The following BDP1 variants were observed in gnomAD, a reference collection of about 807,000 sequenced individuals.
BDP1 encodes the protein BDP1 general transcription factor IIIB subunit.
In BDP1, 169 loss-of-function variants were observed where a neutral mutation model predicts 266.6. That is an observed-to-expected ratio of 0.63 (90% CI 0.56 to 0.72). The LOEUF is 0.72. Among genes scored for constraint, BDP1 ranks in the 30% least tolerant of loss-of-function variants. The probability of loss-of-function intolerance (pLI) is 0.00; values close to 1 mark genes in which losing one functional copy is unlikely to be tolerated. For missense variants in BDP1, 3,015 were observed against 3,053.8 expected (o/e 0.99, Z 0.30); for synonymous variants, 1,090 against 1,022.4 (o/e 1.07, Z -1.26).
intron 6 of BDP1, among the ~76,000 whole-genome samples, chr5:71,468,074 A>C (rs1393406141): frequency 2.6e-5 from 4 of 152,224 alleles, no homozygotes; most frequent in Non-Finnish European, 5.9e-5. Flanking sequence ...GCTGAAGTAC[A>C]ATGGCACGAT....
intron 18 of BDP1, among the ~76,000 whole-genome samples, chr5:71,512,938 T>TTG (rs1276204357): frequency 6.6e-6 from 1 of 151,846 alleles, no homozygotes; most frequent in African/African-American, 2.4e-5. Context: ...GGCACATGCC[T>TTG]GTAGTCCCAG....
rs752373897 is a variant in BDP1, at chr5:71,562,340, A to G, written c.7563A>G (p.Glu2521=). Residue 2521 remains glutamate (E), a synonymous_variant, in exon 38 of 39, where the codon GAA becomes GAG. Transcript: ENST00000358731. ...ICSKNSLESD[E]PMQVHSKKRL... is the part of the protein sequence containing the mutation. ...CAAAGAATAGTTTGGAGTCTGATGA[A>G]CCTATGCAAGTCCATAGTAAGAAAC... 3.6e-5 allele frequency: 58 copies of G among 1,613,362 alleles called. No individual in the cohort carries two copies. The highest frequency in any genetic ancestry group is 3.3e-4 in the Middle Eastern group (2 of 6,064).
chr5:71,537,178 A>C (rs1175022022), intron 26 of BDP1, among the ~76,000 whole-genome samples: 2 of 147,656 alleles, frequency 1.4e-5, no homozygotes, highest in African/African-American at 4.9e-5. Flanking sequence ...AAAAAGAACC[A>C]GAACCAAACC....
intron 34 of BDP1, among the ~76,000 whole-genome samples, chr5:71,550,367 T>C (rs939195135): frequency 6.6e-6 from 1 of 151,190 alleles, no homozygotes; most frequent in African/African-American, 2.4e-5. Flanking sequence ...GCCTGGGTGA[T>C]AGAGTGAGGA....
In BDP1 at chr5:71,510,954, G is replaced by T; in HGVS notation, c.3862G>T (p.Glu1288Ter). 1 of 1,614,150 alleles carries T rather than the reference G, an allele frequency of 6.2e-7. No homozygotes were observed. The highest frequency in any genetic ancestry group is 8.5e-7 in the Non-Finnish European group (1 of 1,180,014). ...GGCAGATTTGAAAGAAACTGGAAAAGAAAATTTTAGAGAGAGAGGATCTGA... is the reference window on the plus strand; with the variant it reads ...GGCAGATTTGAAAGAAACTGGAAAATAAAATTTTAGAGAGAGAGGATCTGA... ...MEADLKETGK[E>*]NFRERGSEEI... The change falls in exon 17 of 39, where the codon GAA (glutamate) becomes TAA (stop). Residue 1288 changes from glutamate (E) to a stop codon, truncating the protein, a stop_gained. Transcript: ENST00000358731. LOFTEE classifies it high-confidence loss of function.
At chr5:71,460,863 G>A (rs1466262146) in intron 2 of BDP1, among the ~76,000 whole-genome samples, 1 of 130,968 alleles carries the variant, frequency 7.6e-6, no homozygotes, top group Non-Finnish European at 1.7e-5. Flanking sequence ...AGAATTTCAA[G>A]TCACTACAGG....
intron 22 of BDP1, 79 bp downstream of exon 22, chr5:71,517,531 T>A: frequency 8.2e-7 from 1 of 1,220,952 alleles, no homozygotes; most frequent in Non-Finnish European, 1.1e-6. Flanking sequence ...CTTTATATAT[T>A]AATAACTTCA....
In BDP1 at chr5:71,512,373, G is replaced by A. The variant is rs200605125; in HGVS notation, c.4192G>A (p.Val1398Ile). The A allele has an allele frequency of 5.0e-5, 79 of 1,594,472 alleles. No individual in the cohort carries two copies. Among genetic ancestry groups the A allele is most frequent in the Non-Finnish European group, 6.3e-5 (74 of 1,174,902 alleles). Residue 1398 changes from valine (V) to isoleucine (I), a missense_variant, in exon 18 of 39, where the codon GTC becomes ATC. Physicochemically the swap from Val to Ile is conservative, Grantham distance 29. Around this residue, in one of 3 missense-constraint regions of BDP1, gnomAD observed 2,383 missense variants for 2,404.9 expected, o/e 0.99. Coordinates refer to ENST00000358731, the MANE Select transcript of BDP1 (RefSeq NM_018429.3). ...GACTCATGAATCTGATAAAACAGAA[G>A]TCCAGGGGATTCAATCTCCAGATGT... ...SQTHESDKTE[V>I]QGIQSPDVPE...
chr5:71,508,209 C>G (rs889216316), intron 16 of BDP1, among the ~76,000 whole-genome samples: 1 of 152,208 alleles, frequency 6.6e-6, no homozygotes, highest in Non-Finnish European at 1.5e-5. Flanking sequence ...AAGTGATCCA[C>G]CTGTCTCAGC....
At chr5:71,482,221 T>C (rs1226917808) in intron 7 of BDP1, among the ~76,000 whole-genome samples, 1 of 152,176 alleles carries the variant, frequency 6.6e-6, no homozygotes, top group Non-Finnish European at 1.5e-5. Context: ...ACAGTTCCTT[T>C]TTAGAACTAT....
At chr5:71,537,628 T>A (rs1766710187) in intron 26 of BDP1, 1 of 160,360 alleles carries the variant, frequency 6.2e-6, no homozygotes, top group African/African-American at 2.4e-5. Flanking sequence ...TGTAGGTAAA[T>A]CTGATTTCTT....
the BDP1 span, among the ~76,000 whole-genome samples, chr5:71,576,577 C>G: frequency 0.015 from 2,249 of 152,286 alleles, 45 homozygotes; most frequent in African/African-American, 0.051. Flanking sequence ...GTTCCTACCC[C>G]CCTCCATAGA....
At chr5:71,555,675 A>G (rs1743168128) in intron 35 of BDP1, among the ~76,000 whole-genome samples, 1 of 152,006 alleles carries the variant, frequency 6.6e-6, no homozygotes, top group South Asian at 2.1e-4. Flanking sequence ...CGGACCTCAG[A>G]TGATCCGCCT....
intron 3 of BDP1, among the ~76,000 whole-genome samples, chr5:71,462,209 C>T (rs1448727086): frequency 6.6e-6 from 1 of 152,120 alleles, no homozygotes; most frequent in African/African-American, 2.4e-5. Context: ...GTGATCCACC[C>T]GCTTCGGCTT....
chr5:71,483,940 T>C, intron 8 of BDP1, 44 bp downstream of exon 8: 2 of 1,444,714 alleles, frequency 1.4e-6, no homozygotes, highest in East Asian at 2.3e-5. Flanking sequence ...TTGAAGAGCC[T>C]AAAAAATGAC....
chr5:71,533,525 A>G (rs1017122869), intron 26 of BDP1, among the ~76,000 whole-genome samples: 1 of 150,114 alleles, frequency 6.7e-6, no homozygotes, highest in Non-Finnish European at 1.5e-5. Flanking sequence ...GAGTGCAGTA[A>G]CACAATTGTA....
rs1454620370 is a variant in BDP1 at position 71,495,358 on chromosome 5, T to C, written c.1749T>C (p.Ala583=). ...GAGCATTGTGTGAGGTGAATAATGC[T>C]GAGGGTAGTTGTATAGAAGAAAGAA... ...GIRALCEVNN[A]EGSCIEERNV... The change falls in exon 12 of 39, where the codon GCT becomes GCC. Residue 583 remains alanine (A), a synonymous_variant. Transcript: ENST00000358731. 2 of 1,598,426 alleles carry C rather than the reference T, an allele frequency of 1.3e-6. No individual in the cohort carries two copies. The highest frequency in any genetic ancestry group is 2.3e-5 in the South Asian group (2 of 87,616).
chr5:71,465,626 T>C (rs1159903257), intron 4 of BDP1, among the ~76,000 whole-genome samples: 2 of 152,324 alleles, frequency 1.3e-5, no homozygotes, highest in African/African-American at 4.8e-5. Flanking sequence ...CTCACGCCTG[T>C]AATCCCGGCA....
chr5:71,488,098 C>T (rs1384793823), intron 9 of BDP1, among the ~76,000 whole-genome samples: 1 of 152,064 alleles, frequency 6.6e-6, no homozygotes, highest in African/African-American at 2.4e-5. Flanking sequence ...CAGGTGATAA[C>T]ATGAGTAACT....
Sources: gnomAD v4.1 joint callset for allele counts (sites outside exome capture counted in the v4.1 genomes callset) on GRCh38, gnomAD v4.1.1 for gene constraint, gnomAD v4.1.1 regional missense constraint, MANE v1.5 for transcripts, NCBI Gene and HGNC (gene_info 2026-07-23, HGNC 2026-07-21) for gene names.